The following HSD17B4 variants were observed in gnomAD, a reference collection of about 807,000 sequenced individuals.
The protein encoded by HSD17B4 is hydroxysteroid 17-beta dehydrogenase 4.
In HSD17B4, 70 loss-of-function variants were observed where a neutral mutation model predicts 101.0. The observed-to-expected ratio is 0.69, with a 90% CI of 0.57 to 0.85. HSD17B4 has a LOEUF of 0.85. HSD17B4 is among the 40% of genes least tolerant of loss of function. The probability of loss-of-function intolerance (pLI) is 0.00; values close to 1 mark genes in which losing one functional copy is unlikely to be tolerated. For missense variants in HSD17B4, 984 were observed against 892.4 expected (o/e 1.10, Z -1.31); for synonymous variants, 347 against 297.1 (o/e 1.17, Z -1.73).
At position 119,473,981 on chromosome 5, in the gene HSD17B4, A is replaced by G. The variant is rs748540970; in HGVS notation, c.186A>G (p.Ile62Met). 6.2e-7 allele frequency: 1 copy of G among 1,610,816 alleles called. No individual in the cohort carries two copies. The highest frequency in any genetic ancestry group is 1.1e-5 in the South Asian group (1 of 90,910). ...CTGCTGATAAGGTTGTTGAAGAAAT[A>G]AGAAGGAGAGGTGGAAAAGCAGTGG... ...SLAADKVVEE[I>M]RRRGGKAVAN... The change falls in exon 3 of 24, where the codon ATA becomes ATG. Residue 62 changes from isoleucine (I) to methionine (M), a missense_variant. By Grantham distance (10) the Ile-to-Met change is conservative. Coordinates refer to ENST00000510025, the MANE Select transcript of HSD17B4 (RefSeq NM_000414.4).
intron 17 of HSD17B4, among the ~76,000 whole-genome samples, chr5:119,518,372 C>T (rs922210076): frequency 6.6e-5 from 10 of 152,168 alleles, no homozygotes; most frequent in Non-Finnish European, 1.5e-5. Context: ...TCCAGACGTG[C>T]CACCTTAAGA....
intron 22 of HSD17B4, among the ~76,000 whole-genome samples, chr5:119,532,033 G>A (rs1754159290): frequency 6.6e-6 from 1 of 152,136 alleles, no homozygotes; most frequent in Admixed American, 6.6e-5. Flanking sequence ...ATTTTGTGAA[G>A]AAAGAGAAAT....
chr5:119,465,229 C>G (rs930559011), intron 2 of HSD17B4, among the ~76,000 whole-genome samples: 3 of 152,028 alleles, frequency 2.0e-5, no homozygotes, highest in African/African-American at 7.2e-5. Flanking sequence ...TTTTATTTTT[C>G]TGGTGATTGT....
intron 2 of HSD17B4, among the ~76,000 whole-genome samples, chr5:119,461,794 A>G (rs1321944109): frequency 6.6e-6 from 1 of 151,086 alleles, no homozygotes; most frequent in Non-Finnish European, 1.5e-5. Flanking sequence ...CTGAGGCAGG[A>G]GGATGGTTTG....
intron 16 of HSD17B4, 124 bp downstream of exon 16, chr5:119,509,368 C>A: frequency 1.3e-6 from 1 of 746,608 alleles, no homozygotes; most frequent in Non-Finnish European, 2.5e-6. Flanking sequence ...TCTTATACAT[C>A]TGCCACCCCT....
At chr5:119,491,636 T>C (rs1348295059) in intron 9 of HSD17B4, among the ~76,000 whole-genome samples, 2 of 152,182 alleles carry the variant, frequency 1.3e-5, no homozygotes, top group African/African-American at 4.8e-5. Context: ...TCATTTTATT[T>C]GGCTTTGGTT....
intron 19 of HSD17B4, among the ~76,000 whole-genome samples, chr5:119,526,397 A>G (rs1225939908): frequency 6.6e-6 from 1 of 151,912 alleles, no homozygotes; most frequent in East Asian, 1.9e-4. Flanking sequence ...TAAGTCCAAT[A>G]AACATACATC....
intron 11 of HSD17B4, among the ~76,000 whole-genome samples, chr5:119,495,055 T>G (rs191726086): frequency 2.0e-5 from 3 of 152,130 alleles, no homozygotes; most frequent in East Asian, 3.9e-4. Context: ...TTTTTCTCCT[T>G]AATGATACTT....
intron 13 of HSD17B4, 88 bp from the exon 14 acceptor site, chr5:119,501,952 TA>T: frequency 1.3e-6 from 1 of 796,018 alleles, no homozygotes; most frequent in Non-Finnish European, 2.2e-6. Flanking sequence ...CTGTGGATGG[TA>T]AAATGTCACT....
chr5:119,469,547 G>A (rs113828297), intron 2 of HSD17B4, among the ~76,000 whole-genome samples: 6,106 of 152,136 alleles, frequency 0.04, 156 homozygotes, highest in Non-Finnish European at 0.065. Flanking sequence ...TAGAAATGTA[G>A]TTTCATCATG....
At chr5:119,475,169 C>T (rs1748463882) in intron 4 of HSD17B4, among the ~76,000 whole-genome samples, 1 of 151,978 alleles carries the variant, frequency 6.6e-6, no homozygotes, top group Non-Finnish European at 1.5e-5. Flanking sequence ...ATAGAAACCA[C>T]AAAAATGTGA....
At chr5:119,538,453 C>CAG (rs1754712653) in intron 23 of HSD17B4, among the ~76,000 whole-genome samples, 1 of 152,108 alleles carries the variant, frequency 6.6e-6, no homozygotes, top group Non-Finnish European at 1.5e-5. Context: ...AAATGTAAAT[C>CAG]AGATTAGATT....
In HSD17B4 at chr5:119,506,902, C is replaced by T; in HGVS notation, c.1333+13C>T. 7.5e-7 allele frequency: 1 copy of T among 1,333,896 alleles called. No individual in the cohort carries two copies. 82.6% of individuals were successfully genotyped at this position (1,333,896 alleles called of 1,614,324 possible). ...ATTATTATGGATGGTAATTTATTTA[C>T]AATTCTTATAATAATATTGTTAGAT... On this transcript the variant is annotated intron_variant, in intron 15 of 23. Coordinates refer to ENST00000510025, the MANE Select transcript of HSD17B4 (RefSeq NM_000414.4).
chr5:119,540,448 A>G (rs149560197), intron 23 of HSD17B4, among the ~76,000 whole-genome samples: 60 of 152,324 alleles, frequency 3.9e-4, no homozygotes, highest in African/African-American at 1.3e-3. Context: ...CTGCTCAAAA[A>G]TGTCCAAAAT....
At chr5:119,521,189 T>C (rs929132136) in intron 17 of HSD17B4, among the ~76,000 whole-genome samples, 3 of 152,232 alleles carry the variant, frequency 2.0e-5, no homozygotes, top group African/African-American at 4.8e-5. Context: ...TATAAAATCT[T>C]ATTTCTTAAA....
intron 15 of HSD17B4, among the ~76,000 whole-genome samples, chr5:119,508,778 A>G (rs1356245013): frequency 6.6e-6 from 1 of 152,204 alleles, no homozygotes. Flanking sequence ...CTTTGGCAGA[A>G]TGTTTGAAAG....
chr5:119,515,181 C>T (rs1752508340), intron 17 of HSD17B4, 135 bp downstream of exon 17: 3 of 637,476 alleles, frequency 4.7e-6, no homozygotes, highest in Admixed American at 4.8e-5. Context: ...AATAAACATA[C>T]AGACATGTTT....
chr5:119,465,456 A>C (rs1042758685), intron 2 of HSD17B4, among the ~76,000 whole-genome samples: 12 of 152,284 alleles, frequency 7.9e-5, no homozygotes, highest in African/African-American at 2.9e-4. Flanking sequence ...ATTGTGATGC[A>C]CTTGCTCCCC....
chr5:119,518,333 A>G (rs1410873658), intron 17 of HSD17B4, among the ~76,000 whole-genome samples: 2 of 152,084 alleles, frequency 1.3e-5, no homozygotes, highest in Non-Finnish European at 2.9e-5. Context: ...ACCAGAAGGA[A>G]GAAACTCCAA....
Sources: allele counts gnomAD v4.1 joint callset (sites outside exome capture counted in the v4.1 genomes callset), GRCh38; gene constraint gnomAD v4.1.1; transcripts MANE v1.5; gene names NCBI Gene and HGNC (gene_info 2026-07-23, HGNC 2026-07-21).